Variants in NT5DC3 observed in about 807,000 individuals in gnomAD.
NT5DC3 encodes the protein 5'-nucleotidase domain-containing protein 3.
In NT5DC3, 42 loss-of-function variants were observed where a neutral mutation model predicts 67.8. The observed-to-expected ratio is 0.62, with a 90% CI of 0.48 to 0.80. The LOEUF (loss-of-function observed/expected upper bound fraction) is 0.80, where lower values mean the gene tolerates loss of function less well. NT5DC3 is among the 30% of genes least tolerant of loss of function. NT5DC3 has a pLI of 0.00. For synonymous variants in NT5DC3, 237 were observed against 255.6 expected (o/e 0.93, Z 0.69); for missense variants, 570 against 696.4 (o/e 0.82, Z 2.04).
chr12:103,798,726 TG>T (rs761121450), intron 4 of NT5DC3, 49 bp from the exon 5 acceptor site: 1 of 1,319,332 alleles, frequency 7.6e-7, no homozygotes, highest in South Asian at 1.2e-5. Flanking sequence ...GAGAAACCAA[TG>T]ATTTTCACAC....
chr12:103,777,692 T>C lies in NT5DC3; in HGVS notation c.*137A>G. ...CCTGTCTTAACCATTGGGAGAATTATTCTCCGTAAGGTACAAAATAAATAT... is the reference window on the plus strand; with the variant it reads ...CCTGTCTTAACCATTGGGAGAATTACTCTCCGTAAGGTACAAAATAAATAT... On this transcript the variant is annotated 3_prime_UTR_variant, in exon 14 of 14. Coordinates refer to ENST00000392876, the MANE Select transcript of NT5DC3 (RefSeq NM_001031701.3). 9.6e-7 allele frequency: 1 copy of C among 1,039,604 alleles called. No individual in the cohort carries two copies. The highest frequency in any genetic ancestry group is 1.4e-6 in the Non-Finnish European group (1 of 717,756). 64.4% of individuals were successfully genotyped at this position (1,039,604 alleles called of 1,614,324 possible).
intron 1 of NT5DC3, among the ~76,000 whole-genome samples, chr12:103,815,367 A>C (rs1391761118): frequency 6.6e-6 from 1 of 152,166 alleles, no homozygotes; most frequent in Non-Finnish European, 1.5e-5. Context: ...GCTCACTGCT[A>C]ATGGGCACAG....
downstream of NT5DC3, among the ~76,000 whole-genome samples, chr12:103,768,211 A>T (rs554983151): frequency 5.9e-5 from 9 of 151,888 alleles, 1 homozygote; most frequent in South Asian, 1.9e-3. Flanking sequence ...CAGGCAGGTG[A>T]ATCACCTGAG....
intron 2 of NT5DC3, among the ~76,000 whole-genome samples, chr12:103,813,198 G>T (rs558608724): frequency 5.9e-5 from 9 of 152,344 alleles, no homozygotes; most frequent in African/African-American, 2.2e-4. Context: ...CACCCCTTTG[G>T]ATCCACCTTT....
chr12:103,839,795 T>C (rs898991121), intron 1 of NT5DC3, among the ~76,000 whole-genome samples: 9 of 152,220 alleles, frequency 5.9e-5, no homozygotes, highest in African/African-American at 2.2e-4. Context: ...TTTCATAGAA[T>C]TCTGCATTGC....
At chr12:103,824,082 G>A (rs1297000867) in intron 1 of NT5DC3, among the ~76,000 whole-genome samples, 3 of 152,102 alleles carry the variant, frequency 2.0e-5, no homozygotes, top group Non-Finnish European at 4.4e-5. Context: ...TTTATGTTTT[G>A]GTATGTTACA....
In NT5DC3 at chr12:103,773,166, C is replaced by T. The variant is rs957705653; in HGVS notation, c.*4663G>A. On this transcript the variant is annotated 3_prime_UTR_variant, in exon 14 of 14. Coordinates refer to ENST00000392876, the MANE Select transcript of NT5DC3 (RefSeq NM_001031701.3). ...CTCAGCAAGGGAATCTTGCCATTGC[C>T]GCCAACACAATCCATTAGAGCAGGG... 5 of 152,192 alleles carry T rather than the reference C, an allele frequency of 3.3e-5. No individual in the cohort carries two copies. Among genetic ancestry groups the T allele is most frequent in the Non-Finnish European group, 5.9e-5 (4 of 68,048 alleles). The allele number at this position is 152,192 out of a possible 1,614,324, so 9.4% of individuals were successfully genotyped here.
the NT5DC3 span, chr12:103,763,379 TAAA>T: frequency 1.3e-6 from 1 of 793,136 alleles, no homozygotes; most frequent in South Asian, 1.7e-5. Flanking sequence ...AAAGTACTGT[TAAA>T]AAAGGAAAAG....
At chr12:103,840,387 T>G (rs575659389) in intron 1 of NT5DC3, among the ~76,000 whole-genome samples, 3 of 125,478 alleles carry the variant, frequency 2.4e-5, no homozygotes, top group African/African-American at 3.7e-5. Flanking sequence ...GCTCATCTCA[T>G]CTCATCTCAT....
At chr12:103,761,422 G>C in the NT5DC3 span, 1 of 1,612,352 alleles carries the variant, frequency 6.2e-7, no homozygotes, top group African/African-American at 1.3e-5. Context: ...TGAGTATCTA[G>C]GGTCCCTGAT....
At chr12:103,785,774 A>G in intron 11 of NT5DC3, 1 of 395,698 alleles carries the variant, frequency 2.5e-6, no homozygotes, top group Non-Finnish European at 4.7e-6. Flanking sequence ...AAAAAAAAAA[A>G]AAAAAATGAG....
chr12:103,790,147 C>A (rs1193894045), intron 9 of NT5DC3, among the ~76,000 whole-genome samples: 1 of 152,102 alleles, frequency 6.6e-6, no homozygotes, highest in Admixed American at 6.5e-5. Context: ...CTCTGTTCCC[C>A]AGGATGAAGT....
chr12:103,796,346 G>T (rs1317615977), intron 6 of NT5DC3, among the ~76,000 whole-genome samples: 1 of 152,016 alleles, frequency 6.6e-6, no homozygotes, highest in African/African-American at 2.4e-5. Flanking sequence ...GTGAAACCTC[G>T]TCTCTATTAA....
intron 1 of NT5DC3, chr12:103,819,466 C>T (rs1407967157): frequency 1.3e-5 from 2 of 152,174 alleles, no homozygotes; most frequent in African/African-American, 4.8e-5. Flanking sequence ...AAGTGAATTC[C>T]TTTGTACATA....
Position 103,773,430 on chromosome 12 carries a change from G to A in NT5DC3, c.*4399C>T, listed in dbSNP as rs764619064. ...AACGCACTAGCAGTGTCAAAGGTTA[G>A]CTGAACTTTGAGCTAAGCTCCTAAA... is the stretch of plus-strand genomic sequence containing the variant. On this transcript the variant is annotated 3_prime_UTR_variant, in exon 14 of 14. Transcript: ENST00000392876. 2.6e-5 allele frequency: 4 copies of A among 152,196 alleles called. No homozygotes were observed. Among genetic ancestry groups the A allele is most frequent in the Non-Finnish European group, 5.9e-5 (4 of 68,028 alleles). 9.4% of individuals were successfully genotyped at this position (152,196 alleles called of 1,614,324 possible). A position where few individuals can be genotyped will look rare whatever the true frequency, so the allele number is the denominator to read the frequency against.
At position 103,841,200 on chromosome 12, in the gene NT5DC3, C is replaced by A; in HGVS notation, c.-44G>T. On this transcript the variant is annotated 5_prime_UTR_variant, in exon 1 of 14. Transcript: ENST00000392876. ...CCACCGCCGCCGCGCCGCTCTGCGACTGCTGCTGCCCGGCCCAAGATCTAC... is the reference window on the plus strand; with the variant it reads ...CCACCGCCGCCGCGCCGCTCTGCGAATGCTGCTGCCCGGCCCAAGATCTAC... 1.7e-6 allele frequency: 1 copy of A among 573,986 alleles called. No homozygotes were observed. The highest frequency in any genetic ancestry group is 3.0e-6 in the Non-Finnish European group (1 of 333,532). 35.6% of individuals were successfully genotyped at this position (573,986 alleles called of 1,614,324 possible).
chr12:103,828,499 T>A (rs541552566), intron 1 of NT5DC3, among the ~76,000 whole-genome samples: 34 of 152,334 alleles, frequency 2.2e-4, no homozygotes, highest in Admixed American at 1.9e-3. Flanking sequence ...GCCTAAACTA[T>A]GGGGAAGACT....
At chr12:103,808,522 C>A (rs142737973) in intron 2 of NT5DC3, among the ~76,000 whole-genome samples, 4 of 152,226 alleles carry the variant, frequency 2.6e-5, no homozygotes, top group Admixed American at 1.3e-4. Flanking sequence ...GACCAGCAGG[C>A]TGACCCGCAT....
rs73175803 is a variant in NT5DC3, at chr12:103,817,067, G to A, written c.209-1946C>T. ...AAAAAAAAAAGAAAGAAAGCTAACA[G>A]GGCAAGACATCTCACAGTTATCAGA... On this transcript the variant is annotated intron_variant, in intron 1 of 13. Transcript: ENST00000392876. Among the ~76,000 whole-genome samples the A allele has an allele frequency of 2.2e-3, 325 of 145,670 alleles. 2 individuals carry two copies. Among genetic ancestry groups the A allele is most frequent in the South Asian group, 3.5e-3 (16 of 4,636 alleles).
Sources: allele counts gnomAD v4.1 joint callset (sites outside exome capture counted in the v4.1 genomes callset), GRCh38; gene constraint gnomAD v4.1.1; transcripts MANE v1.5; gene names NCBI Gene and HGNC (gene_info 2026-07-23, HGNC 2026-07-21).